The following MEIS2 variants were observed in gnomAD, a reference collection of about 807,000 sequenced individuals.
The protein encoded by MEIS2 is homeobox protein Meis2.
In MEIS2, 9 loss-of-function variants were observed where a neutral mutation model predicts 58.6. The observed-to-expected ratio is 0.15, with a 90% CI of 0.09 to 0.27. The LOEUF (loss-of-function observed/expected upper bound fraction) is 0.27, where lower values mean the gene tolerates loss of function less well. Among genes scored for constraint, MEIS2 ranks in the 10% least tolerant of loss-of-function variants. MEIS2 has a pLI of 1.00. For synonymous variants in MEIS2, 221 were observed against 228.4 expected, an observed-to-expected ratio of 0.97 and a Z score of 0.29; for missense variants, 427 against 635.0, an observed-to-expected ratio of 0.67 and a Z score of 3.52.
At chr15:36,988,058 G>T (rs1415307336) in intron 8 of MEIS2, among the ~76,000 whole-genome samples, 1 of 152,114 alleles carries the variant, frequency 6.6e-6, no homozygotes, top group African/African-American at 2.4e-5. Flanking sequence ...ATCTAATGAG[G>T]ACTATAGTTA....
At chr15:36,963,279 C>A (rs2059247836) in intron 8 of MEIS2, among the ~76,000 whole-genome samples, 2 of 151,902 alleles carry the variant, frequency 1.3e-5, no homozygotes, top group Admixed American at 1.3e-4. Context: ...ACCAGGGAGG[C>A]TGAGGCAGGA....
chr15:36,963,770 G>A (rs957224826), intron 8 of MEIS2, among the ~76,000 whole-genome samples: 1 of 152,166 alleles, frequency 6.6e-6, no homozygotes, highest in African/African-American at 2.4e-5. Flanking sequence ...GGTGACTGGA[G>A]CAATGTAGAA....
chr15:36,907,455 C>T (rs542718698), intron 9 of MEIS2, among the ~76,000 whole-genome samples: 2 of 152,264 alleles, frequency 1.3e-5, no homozygotes, highest in African/African-American at 4.8e-5. Flanking sequence ...TCCCCGTGGG[C>T]CTTTCATTTG....
chr15:37,061,619 G>C (rs1005844837), intron 7 of MEIS2, among the ~76,000 whole-genome samples: 1 of 152,104 alleles, frequency 6.6e-6, no homozygotes, highest in Non-Finnish European at 1.5e-5. Flanking sequence ...TTAGGGACTT[G>C]AGCTAGCATA....
chr15:36,894,878 A>G (rs2056086798), intron 11 of MEIS2: 1 of 1,314,138 alleles, frequency 7.6e-7, no homozygotes, highest in Non-Finnish European at 1.1e-6. Context: ...GAAAAAATAG[A>G]AGGAAACTCA....
At chr15:36,942,808 G>GC (rs2058421962) in intron 9 of MEIS2, among the ~76,000 whole-genome samples, 1 of 152,032 alleles carries the variant, frequency 6.6e-6, no homozygotes, top group Non-Finnish European at 1.5e-5. Context: ...AAAAAGGACT[G>GC]AAGATTCAGA....
intron 8 of MEIS2, among the ~76,000 whole-genome samples, chr15:37,010,529 C>T (rs530393774): frequency 3.9e-5 from 6 of 152,222 alleles, no homozygotes; most frequent in Admixed American, 3.9e-4. Context: ...ACTACAGACG[C>T]ATGCCACCAT....
chr15:36,984,634 C>CCAT (rs940956722), intron 8 of MEIS2, among the ~76,000 whole-genome samples: 7 of 152,096 alleles, frequency 4.6e-5, no homozygotes, highest in Non-Finnish European at 1.0e-4. Context: ...CCCTTCTCTT[C>CCAT]CATTTTTTGC....
intron 9 of MEIS2, among the ~76,000 whole-genome samples, chr15:36,940,660 G>C (rs1156845875): frequency 6.6e-6 from 1 of 152,164 alleles, no homozygotes; most frequent in Non-Finnish European, 1.5e-5. Flanking sequence ...AATGAGAATA[G>C]AGCCAGGGCT....
At chr15:37,030,508 T>C (rs1280822318) in intron 8 of MEIS2, among the ~76,000 whole-genome samples, 1 of 152,114 alleles carries the variant, frequency 6.6e-6, no homozygotes, top group Admixed American at 6.6e-5. Flanking sequence ...GGCTAATTTT[T>C]GTATTTTTAG....
chr15:37,092,254 C>T (rs142406089), intron 6 of MEIS2, among the ~76,000 whole-genome samples: 255 of 152,304 alleles, frequency 1.7e-3, no homozygotes, highest in African/African-American at 5.7e-3. Context: ...TGTTCTTAGG[C>T]TGGCTTCCCA....
intron 9 of MEIS2, among the ~76,000 whole-genome samples, chr15:36,903,214 G>A (rs73389585): frequency 6.6e-6 from 1 of 152,090 alleles, no homozygotes; most frequent in African/African-American, 2.4e-5. Flanking sequence ...AGCAGGTTAC[G>A]ATTTTGAAGC....
intron 2 of MEIS2, among the ~76,000 whole-genome samples, chr15:37,096,722 C>G (rs992068272): frequency 6.6e-6 from 1 of 152,096 alleles, no homozygotes; most frequent in Non-Finnish European, 1.5e-5. Flanking sequence ...AATGAAACAT[C>G]CGAGACGCTC....
chr15:37,099,005 G>T, intron 1 of MEIS2: 11 of 983,578 alleles, frequency 1.1e-5, no homozygotes, highest in Non-Finnish European at 1.3e-5. Context: ...GGCTGCGGCA[G>T]CGCGGCCCCA....
At chr15:37,008,334 G>C (rs1463630409) in intron 8 of MEIS2, among the ~76,000 whole-genome samples, 1 of 152,120 alleles carries the variant, frequency 6.6e-6, no homozygotes, top group Admixed American at 6.5e-5. Flanking sequence ...TCCCATAGTT[G>C]GAAGTTTTGC....
At chr15:36,906,060 C>T (rs151167526) in intron 9 of MEIS2, among the ~76,000 whole-genome samples, 58 of 152,280 alleles carry the variant, frequency 3.8e-4, no homozygotes, top group African/African-American at 1.3e-3. Context: ...AAGGAAATGG[C>T]ATGCTGTAAA....
intron 11 of MEIS2, among the ~76,000 whole-genome samples, chr15:36,894,261 A>G (rs981837912): frequency 6.6e-6 from 1 of 152,186 alleles, no homozygotes; most frequent in African/African-American, 2.4e-5. Context: ...GCAGCATTTC[A>G]TCTTTGCATA....
chr15:36,946,562 C>A (rs1357056564), intron 9 of MEIS2, among the ~76,000 whole-genome samples: 1 of 151,942 alleles, frequency 6.6e-6, no homozygotes, highest in African/African-American at 2.4e-5. Flanking sequence ...AATCTCCATT[C>A]CTATTTGTAA....
At chr15:37,058,903 C>T (rs532228777) in intron 7 of MEIS2, among the ~76,000 whole-genome samples, 11 of 151,476 alleles carry the variant, frequency 7.3e-5, no homozygotes, top group African/African-American at 2.4e-4. Context: ...ATTTTTAAAG[C>T]AAACATACAT....
Sources: gnomAD v4.1 joint callset for allele counts (sites outside exome capture counted in the v4.1 genomes callset) on GRCh38, gnomAD v4.1.1 for gene constraint, MANE v1.5 for transcripts, NCBI Gene and HGNC (gene_info 2026-07-23, HGNC 2026-07-21) for gene names.